FARP1: variants seen among roughly 807,000 people sequenced by gnomAD.
FARP1 encodes FERM, ARHGEF and pleckstrin domain-containing protein 1.
In FARP1, 52 loss-of-function variants were observed where a neutral mutation model predicts 128.8. The observed-to-expected ratio is 0.40, with a 90% confidence interval of 0.32 to 0.51. The LOEUF (loss-of-function observed/expected upper bound fraction) is 0.51, where lower values mean the gene tolerates loss of function less well. Among genes scored for constraint, FARP1 ranks in the 20% least tolerant of loss-of-function variants. The pLI is 0.45. For synonymous variants in FARP1, 580 were observed against 551.8 expected (o/e 1.05, Z -0.72); for missense variants, 1,333 against 1,367.9 (o/e 0.97, Z 0.40).
At chr13:98,163,125 G>A (rs1278141630) in intron 1 of FARP1, among the ~76,000 whole-genome samples, 2 of 152,088 alleles carry the variant, frequency 1.3e-5, no homozygotes, top group Non-Finnish European at 2.9e-5. Context: ...TATATACCAC[G>A]GAATACTATG....
Position 98,440,061 on chromosome 13 carries a change from C to T in FARP1, c.2516+18C>T. On this transcript the variant is annotated intron_variant, in intron 22 of 26. Transcript: ENST00000319562. ...GCCGCCAGGTAACTCGGGAGCCCGC[C>T]CCTTGCCTGTTTCCCCTTTGATGTG... is the stretch of plus-strand genomic sequence containing the variant. 1 of 1,609,712 alleles carries T rather than the reference C, an allele frequency of 6.2e-7. No homozygotes were observed. The highest frequency in any genetic ancestry group is 8.5e-7 in the Non-Finnish European group (1 of 1,176,270).
chr13:98,312,135 C>CTTTTTTTTTTTTTTTTT (rs60890411), intron 2 of FARP1, among the ~76,000 whole-genome samples: 2 of 86,126 alleles, frequency 2.3e-5, no homozygotes, highest in Admixed American at 1.7e-4. Context: ...GTGGTAACTG[C>CTTTTTTTTTTTTTTTTT]TTTTTTTTTT....
chr13:98,310,647 G>A (rs1178493719), intron 2 of FARP1, among the ~76,000 whole-genome samples: 2 of 152,166 alleles, frequency 1.3e-5, no homozygotes, highest in Non-Finnish European at 2.9e-5. Context: ...TGAAACTCGT[G>A]GGCTGTCCAG....
chr13:98,428,562 T>C (rs960488436), intron 17 of FARP1, among the ~76,000 whole-genome samples: 1 of 152,238 alleles, frequency 6.6e-6, no homozygotes, highest in Admixed American at 6.5e-5. Context: ...AAAGCCCTCC[T>C]GGTTTCTCTA....
intron 1 of FARP1, among the ~76,000 whole-genome samples, chr13:98,202,375 T>G (rs1316972463): frequency 6.6e-6 from 1 of 152,256 alleles, no homozygotes; most frequent in Non-Finnish European, 1.5e-5. Context: ...GCTTTCAACA[T>G]GGGGCACAGA....
intron 18 of FARP1, chr13:98,432,300 A>G (rs1390162109): frequency 6.6e-6 from 1 of 152,172 alleles, no homozygotes; most frequent in East Asian, 1.9e-4. Context: ...TTACTCCTTT[A>G]AGGACCCCTT....
chr13:98,365,389 T>C lies in FARP1; in HGVS notation c.277-6T>C. 1 of 1,607,478 alleles carries C rather than the reference T, an allele frequency of 6.2e-7. No individual in the cohort carries two copies. The highest frequency in any genetic ancestry group is 1.1e-5 in the South Asian group (1 of 90,924). Reference sequence around the variant, plus strand: ...AGGTCTTAATCTGTTCTTTTTTCCCTTCTAGGTGTGGCTGGATCTCCTAAA... The same window carrying C: ...AGGTCTTAATCTGTTCTTTTTTCCCCTCTAGGTGTGGCTGGATCTCCTAAA... On this transcript the variant is annotated splice_region_variant and splice_polypyrimidine_tract_variant and intron_variant, in intron 3 of 26. Transcript: ENST00000319562.
intron 13 of FARP1, chr13:98,397,396 T>C (rs931116787): frequency 2.6e-5 from 4 of 152,236 alleles, no homozygotes; most frequent in African/African-American, 4.8e-5. Flanking sequence ...TCTTGGTTGG[T>C]GTACAGACAC....
At chr13:98,276,994 T>C (rs757530116) in intron 2 of FARP1, among the ~76,000 whole-genome samples, 1 of 152,204 alleles carries the variant, frequency 6.6e-6, no homozygotes, top group Non-Finnish European at 1.5e-5. Context: ...AGGTGATTGA[T>C]ATGAAAATGT....
chr13:98,177,441 G>C (rs1481898223), intron 1 of FARP1, among the ~76,000 whole-genome samples: 2 of 152,096 alleles, frequency 1.3e-5, no homozygotes, highest in Non-Finnish European at 2.9e-5. Context: ...GAGGTCAGCA[G>C]TTTAAGACCA....
Position 98,239,956 on chromosome 13 carries a change from G to A in FARP1, c.171+26543G>A, listed in dbSNP as rs554725163. On this transcript the variant is annotated intron_variant, in intron 2 of 26. Transcript: ENST00000319562. ...GGGCAGGTAACTTCATCAGGAAGAC[G>A]GCTACCTCTCTTCTCCAGAGAGCGA... 5.9e-5 allele frequency among the ~76,000 whole-genome samples: 9 copies of A among 152,256 alleles called. No homozygotes were observed. In the East Asian group the frequency reaches 9.6e-4, roughly 16 times the overall value.
intron 1 of FARP1, among the ~76,000 whole-genome samples, chr13:98,193,908 C>A (rs2139243439): frequency 6.6e-6 from 1 of 152,280 alleles, no homozygotes; most frequent in South Asian, 2.1e-4. Context: ...TCCATTTGGA[C>A]ATAGTCTTTT....
At chr13:98,256,284 CG>C (rs1883581186) in intron 2 of FARP1, among the ~76,000 whole-genome samples, 1 of 152,036 alleles carries the variant, frequency 6.6e-6, no homozygotes, top group African/African-American at 2.4e-5. Context: ...ATTTAAAATT[CG>C]AGGTTTTTAA....
chr13:98,440,425 G>A (rs1435406454), intron 23 of FARP1, among the ~76,000 whole-genome samples, 190 bp downstream of exon 23: 1 of 151,862 alleles, frequency 6.6e-6, no homozygotes, highest in Non-Finnish European at 1.5e-5. Context: ...GAGCTGGGAA[G>A]TCACCTTTTC....
intron 1 of FARP1, among the ~76,000 whole-genome samples, chr13:98,204,400 T>G (rs751686242): frequency 1.3e-5 from 2 of 152,216 alleles, no homozygotes; most frequent in Non-Finnish European, 2.9e-5. Flanking sequence ...AGGTAATAGG[T>G]AACTTACAGT....
intron 2 of FARP1, among the ~76,000 whole-genome samples, chr13:98,322,582 A>T (rs532499408): frequency 6.6e-6 from 1 of 152,042 alleles, no homozygotes; most frequent in Non-Finnish European, 1.5e-5. Flanking sequence ...AGCCGAGTAC[A>T]GTTCTGACTG....
chr13:98,228,830 A>T (rs1031797584), intron 2 of FARP1, among the ~76,000 whole-genome samples: 1 of 152,208 alleles, frequency 6.6e-6, no homozygotes, highest in African/African-American at 2.4e-5. Flanking sequence ...AACACATTGC[A>T]AAGATATAGA....
intron 2 of FARP1, among the ~76,000 whole-genome samples, chr13:98,303,635 T>C (rs2139707800): frequency 6.6e-6 from 1 of 152,314 alleles, no homozygotes; most frequent in East Asian, 1.9e-4. Flanking sequence ...TGTCGTCTTC[T>C]GAAATGCTCA....
intron 1 of FARP1, among the ~76,000 whole-genome samples, chr13:98,195,652 G>A (rs1879527278): frequency 6.6e-6 from 1 of 152,152 alleles, no homozygotes; most frequent in Non-Finnish European, 1.5e-5. Flanking sequence ...CGCTGTGTCA[G>A]TAGAGTGTTT....
Sources: gnomAD v4.1 joint callset for allele counts (sites outside exome capture counted in the v4.1 genomes callset) on GRCh38, gnomAD v4.1.1 for gene constraint, MANE v1.5 for transcripts, NCBI Gene and HGNC (gene_info 2026-07-23, HGNC 2026-07-21) for gene names.